RAB3C: variants seen among roughly 807,000 people sequenced by gnomAD.
RAB3C encodes the protein RAB3C, member RAS oncogene family.
A neutral mutation model predicts 26.4 loss-of-function variants in RAB3C; 17 were observed. The ratio of observed to expected loss-of-function variants is 0.64; its 90% CI spans 0.44 to 0.97. The LOEUF is 0.97. Among genes scored for constraint, RAB3C ranks in the 50% least tolerant of loss-of-function variants. The pLI is 0.00. For missense variants in RAB3C, 242 were observed against 281.9 expected (o/e 0.86, Z 1.01); for synonymous variants, 91 against 95.9 (o/e 0.95, Z 0.30).
At chr5:58,829,125 A>C (rs543956224) in intron 4 of RAB3C, among the ~76,000 whole-genome samples, 1 of 151,984 alleles carries the variant, frequency 6.6e-6, no homozygotes, top group East Asian at 1.9e-4. Context: ...GGATGGTCTC[A>C]ATCTCCTAAC....
intron 2 of RAB3C, among the ~76,000 whole-genome samples, chr5:58,689,582 G>A (rs1393805877): frequency 6.6e-6 from 1 of 152,078 alleles, no homozygotes; most frequent in African/African-American, 2.4e-5. Flanking sequence ...TGGATTGTGG[G>A]GGTGGTTAAA....
chr5:58,783,586 C>T (rs1286996260), intron 3 of RAB3C, among the ~76,000 whole-genome samples: 11 of 151,990 alleles, frequency 7.2e-5, no homozygotes, highest in South Asian at 4.2e-4. Context: ...CACTTTGCAC[C>T]GAGGGAGCAA....
chr5:58,763,482 G>T (rs1047342241), intron 3 of RAB3C, among the ~76,000 whole-genome samples: 3 of 152,054 alleles, frequency 2.0e-5, no homozygotes, highest in Non-Finnish European at 4.4e-5. Flanking sequence ...AGCAGAGAAG[G>T]TCCCATTCAG....
chr5:58,738,245 C>A (rs1327368235), intron 3 of RAB3C, among the ~76,000 whole-genome samples: 1 of 151,784 alleles, frequency 6.6e-6, no homozygotes, highest in Non-Finnish European at 1.5e-5. Context: ...CCAGGCTGAA[C>A]ACTGAGAGAG....
At chr5:58,845,612 A>ATATATATGTG in intron 4 of RAB3C, among the ~76,000 whole-genome samples, 3 of 81,724 alleles carry the variant, frequency 3.7e-5, no homozygotes, top group Middle Eastern at 0.01. Context: ...ATATATATAT[A>ATATATATGTG]TGTGTGTGTG....
chr5:58,661,896 A>G (rs1189235547), intron 2 of RAB3C, among the ~76,000 whole-genome samples: 5 of 149,700 alleles, frequency 3.3e-5, no homozygotes, highest in Admixed American at 3.3e-4. Context: ...AAAAGCAAAA[A>G]GAAACTAGAA....
intron 2 of RAB3C, among the ~76,000 whole-genome samples, chr5:58,662,402 C>A (rs1747923484): frequency 6.7e-6 from 1 of 150,156 alleles, no homozygotes; most frequent in Middle Eastern, 3.4e-3. Context: ...ACAGCAGATT[C>A]TTCCTCTGGT....
intron 2 of RAB3C, among the ~76,000 whole-genome samples, chr5:58,669,906 A>G (rs542061768): frequency 6.6e-6 from 1 of 152,210 alleles, no homozygotes; most frequent in East Asian, 1.9e-4. Context: ...TTTTCCATGG[A>G]TGGATTTGGT....
intron 2 of RAB3C, among the ~76,000 whole-genome samples, chr5:58,663,015 A>G (rs746080299): frequency 1.9e-4 from 29 of 150,446 alleles, no homozygotes; most frequent in Non-Finnish European, 3.5e-4. Context: ...ATTGCTTGCC[A>G]TTGAAGAAAG....
At chr5:58,635,197 T>G (rs1303484002) in intron 2 of RAB3C, among the ~76,000 whole-genome samples, 1 of 152,142 alleles carries the variant, frequency 6.6e-6, no homozygotes, top group Non-Finnish European at 1.5e-5. Flanking sequence ...AGTTATCAGC[T>G]CTCCTCTGTT....
chr5:58,712,693 T>C (rs1467760596), intron 2 of RAB3C, among the ~76,000 whole-genome samples: 4 of 152,140 alleles, frequency 2.6e-5, no homozygotes, highest in African/African-American at 9.7e-5. Context: ...CCCGGCTAAT[T>C]TTTGTATTTT....
At chr5:58,799,581 A>G (rs1311728376) in intron 3 of RAB3C, among the ~76,000 whole-genome samples, 1 of 152,150 alleles carries the variant, frequency 6.6e-6, no homozygotes, top group African/African-American at 2.4e-5. Context: ...TCATTTCTCT[A>G]AGTCCCTCAT....
At chr5:58,598,416 T>C (rs1192399997) in intron 1 of RAB3C, among the ~76,000 whole-genome samples, 21 of 152,068 alleles carry the variant, frequency 1.4e-4, no homozygotes, top group Non-Finnish European at 1.5e-5. Flanking sequence ...CCTACAGTGC[T>C]TTGAGTTCCT....
Position 58,797,299 on chromosome 5 carries a change from G to A in RAB3C, c.372-27739G>A, listed in dbSNP as rs1456077697. On this transcript the variant is annotated intron_variant, in intron 3 of 4. Transcript: ENST00000282878. ...AAGACCTTACTAACTGACTGGCAGTGAGTGAATTCAGCACCAAGGATATCA... is the reference window on the plus strand; with the variant it reads ...AAGACCTTACTAACTGACTGGCAGTAAGTGAATTCAGCACCAAGGATATCA... 2.1e-5 allele frequency among the ~76,000 whole-genome samples: 3 copies of A among 140,828 alleles called. No homozygotes were observed. The Admixed American group carries it at 2.2e-4, about 11-fold the overall frequency. 92.4% of individuals were successfully genotyped at this position (140,828 alleles called of 152,430 possible).
chr5:58,742,356 A>G (rs984303596), intron 3 of RAB3C, among the ~76,000 whole-genome samples: 3 of 151,158 alleles, frequency 2.0e-5, no homozygotes, highest in African/African-American at 7.3e-5. Context: ...TTCTTTTTTT[A>G]TTAGTAAGAA....
chr5:58,615,985 G>GACACACACACACAC (rs58004467), intron 1 of RAB3C, among the ~76,000 whole-genome samples: 115 of 149,652 alleles, frequency 7.7e-4, no homozygotes, highest in African/African-American at 2.0e-3. Context: ...CACACACACA[G>GACACACACACACAC]ACACACACAC....
At chr5:58,698,754 T>C (rs1221554444) in intron 2 of RAB3C, among the ~76,000 whole-genome samples, 1 of 152,194 alleles carries the variant, frequency 6.6e-6, no homozygotes, top group African/African-American at 2.4e-5. Context: ...GAAGTTCTCA[T>C]GCCATGGTTT....
chr5:58,618,400 GT>G (rs1332830545), intron 2 of RAB3C, among the ~76,000 whole-genome samples: 1 of 152,142 alleles, frequency 6.6e-6, no homozygotes, highest in African/African-American at 2.4e-5. Context: ...TGTGCAAACT[GT>G]TTTCAACTCT....
intron 2 of RAB3C, among the ~76,000 whole-genome samples, chr5:58,683,267 G>A (rs1343463034): frequency 1.3e-5 from 2 of 152,112 alleles, no homozygotes; most frequent in Non-Finnish European, 2.9e-5. Context: ...GAAAATATGT[G>A]ATTTAGATAA....
Sources: gnomAD v4.1 joint callset for allele counts (sites outside exome capture counted in the v4.1 genomes callset) on GRCh38, gnomAD v4.1.1 for gene constraint, MANE v1.5 for transcripts, NCBI Gene and HGNC (gene_info 2026-07-23, HGNC 2026-07-21) for gene names.